TARS3: variants seen among roughly 807,000 people sequenced by gnomAD.
TARS3 encodes threonine--tRNA ligase 2, cytoplasmic.
Under a neutral mutation model 103.5 loss-of-function variants are expected in TARS3, and 94 were observed. The observed-to-expected ratio is 0.91, with a 90% CI of 0.77 to 1.08. The LOEUF is 1.08. Ranked by LOEUF, TARS3 falls within the 50% of genes least tolerant of loss-of-function variation. TARS3 has a pLI of 0.00. For missense variants in TARS3, 952 were observed against 995.2 expected (o/e 0.96, Z 0.58); for synonymous variants, 416 against 355.4 (o/e 1.17, Z -1.92).
Position 101,656,079 on chromosome 15 carries a change from C to T in TARS3, c.2260+843G>A, listed in dbSNP as rs182039925. The T allele has an allele frequency of 9.4e-6, 12 of 1,283,158 alleles. No individual in the cohort carries two copies. In the East Asian group the frequency reaches 6.7e-4, roughly 71 times the overall value. The allele number at this position is 1,283,158 out of a possible 1,614,324, so 79.5% of individuals were successfully genotyped here. ...AGAAGCATAAAGAACCAGAGCAAGA[C>T]AGGAACGAGAAATGGGGAGAAATAC... On this transcript the variant is annotated intron_variant, in intron 18 of 18. Transcript: ENST00000335968.
chr15:101,709,941 T>C (rs547884872), intron 5 of TARS3, among the ~76,000 whole-genome samples: 1 of 152,150 alleles, frequency 6.6e-6, no homozygotes. Flanking sequence ...GCTGATGAGA[T>C]GACTGGTGGC....
intron 18 of TARS3, chr15:101,656,113 A>AG: frequency 8.3e-7 from 1 of 1,202,660 alleles, no homozygotes; most frequent in Non-Finnish European, 1.1e-6. Context: ...ACTCCTGGTG[A>AG]GGGTTGAGCT....
intron 9 of TARS3, 47 bp from the exon 10 acceptor site, chr15:101,701,231 TAATA>T (rs1172161879): frequency 1.7e-6 from 2 of 1,143,292 alleles, no homozygotes; most frequent in Non-Finnish European, 2.6e-6. Context: ...TGCTATTGCT[TAATA>T]TTTACTGCAC....
Position 101,654,504 on chromosome 15 carries a change from A to C in TARS3, c.*78T>G. On this transcript the variant is annotated 3_prime_UTR_variant, in exon 19 of 19. Transcript: ENST00000335968. ...CCCATCAGTGGCTCCAAAGTCGTAGAAGTACTAACATGTTAAGAAAAATAC... is the reference window on the plus strand; with the variant it reads ...CCCATCAGTGGCTCCAAAGTCGTAGCAGTACTAACATGTTAAGAAAAATAC... The C allele has an allele frequency of 2.0e-6, 3 of 1,505,616 alleles. No individual in the cohort carries two copies. The highest frequency in any genetic ancestry group is 1.7e-4 in the Middle Eastern group (1 of 5,734). 93.3% of individuals were successfully genotyped at this position (1,505,616 alleles called of 1,614,324 possible). A position where few individuals can be genotyped will look rare whatever the true frequency, so the allele number is the denominator to read the frequency against.
rs897887218 is a variant in TARS3 at position 101,724,468 on chromosome 15, G to C, written c.-81C>G. On this transcript the variant is annotated 5_prime_UTR_variant, in exon 1 of 19. Transcript: ENST00000335968. ...CGACGCGGACACTCAGCGCACGGCA[G>C]AAGACAGGGCTCCCGGGAGGGGCGG... 1 of 1,332,144 alleles carries C rather than the reference G, an allele frequency of 7.5e-7. No homozygotes were observed. Among genetic ancestry groups the C allele is most frequent in the African/African-American group, 1.6e-5 (1 of 64,392 alleles). 82.5% of individuals were successfully genotyped at this position (1,332,144 alleles called of 1,614,324 possible).
chr15:101,664,945 A>C (rs139041774), intron 15 of TARS3, among the ~76,000 whole-genome samples: 42 of 152,364 alleles, frequency 2.8e-4, no homozygotes, highest in African/African-American at 9.1e-4. Flanking sequence ...GTAGAACTGA[A>C]AACTACAATC....
At chr15:101,722,675 C>G (rs926002332) in intron 2 of TARS3, among the ~76,000 whole-genome samples, 1 of 140,252 alleles carries the variant, frequency 7.1e-6, no homozygotes, top group Non-Finnish European at 1.5e-5. Context: ...AAAAATTAGC[C>G]GGGCTTGGTG....
intron 9 of TARS3, 97 bp downstream of exon 9, chr15:101,702,142 A>G: frequency 6.8e-7 from 1 of 1,465,060 alleles, no homozygotes; most frequent in Non-Finnish European, 9.4e-7. Flanking sequence ...GAGAAGAAGA[A>G]GAAATCTTAT....
chr15:101,712,438 TGAA>T (rs1899914987), intron 4 of TARS3, among the ~76,000 whole-genome samples: 1 of 152,212 alleles, frequency 6.6e-6, no homozygotes, highest in Non-Finnish European at 1.5e-5. Flanking sequence ...CACAGAGCAC[TGAA>T]GTGTTCCTGA....
At chr15:101,673,848 C>A (rs1270203662) in intron 13 of TARS3, among the ~76,000 whole-genome samples, 1 of 152,172 alleles carries the variant, frequency 6.6e-6, no homozygotes. Context: ...TCGGCTTCTG[C>A]ACCTATTAAT....
chr15:101,676,188 C>T (rs1180693536), intron 12 of TARS3, among the ~76,000 whole-genome samples: 1 of 152,162 alleles, frequency 6.6e-6, no homozygotes, highest in Non-Finnish European at 1.5e-5. Context: ...GGGCAGGGGC[C>T]AGAGAAAATT....
chr15:101,677,532 CTT>C (rs1898079325), intron 12 of TARS3, among the ~76,000 whole-genome samples: 2 of 147,344 alleles, frequency 1.4e-5, no homozygotes, highest in African/African-American at 5.0e-5. Context: ...GAGTTTTGCT[CTT>C]GTTGCCCAGG....
rs780051848 is a variant in TARS3, at chr15:101,721,327, A to G, written c.370-5T>C. ...GAAAATTGGTTGATGCTTCACCTGG[A>G]AATTATTAGAACATAATGAGATTAA... On this transcript the variant is annotated splice_polypyrimidine_tract_variant and splice_region_variant and intron_variant, in intron 2 of 18. Transcript: ENST00000335968. 3.1e-6 allele frequency: 5 copies of G among 1,604,402 alleles called. No individual in the cohort carries two copies. In the South Asian group the frequency reaches 5.5e-5, roughly 18 times the overall value.
rs1899328481 is a variant in TARS3 at position 101,702,390 on chromosome 15, A to G, written c.1075-5T>C. 1.2e-6 allele frequency: 2 copies of G among 1,612,216 alleles called. No individual in the cohort carries two copies. The highest frequency in any genetic ancestry group is 2.2e-5 in the East Asian group (1 of 44,884). ...CTCCCAATATGTTGAGGAATTCTAA[A>G]TATCAAAGAGGATTTTGGTAAATAT... On this transcript the variant is annotated splice_polypyrimidine_tract_variant and splice_region_variant and intron_variant, in intron 8 of 18. Coordinates refer to ENST00000335968, the MANE Select transcript of TARS3 (RefSeq NM_152334.3).
At chr15:101,714,715 C>A in intron 4 of TARS3, 125 bp downstream of exon 4, 1 of 698,162 alleles carries the variant, frequency 1.4e-6, no homozygotes, top group Non-Finnish European at 2.0e-6. Context: ...CATCAATAAT[C>A]AAATTTTAAA....
At chr15:101,720,251 A>G (rs147641153) in intron 3 of TARS3, among the ~76,000 whole-genome samples, 264 of 152,326 alleles carry the variant, frequency 1.7e-3, no homozygotes, top group African/African-American at 5.9e-3. Context: ...ATTTATTTAC[A>G]TGGCATTAAT....
intron 10 of TARS3, among the ~76,000 whole-genome samples, chr15:101,700,047 C>T (rs1433178130): frequency 6.6e-6 from 1 of 151,982 alleles, no homozygotes; most frequent in Non-Finnish European, 1.5e-5. Context: ...AAAAAAATTA[C>T]TGAGCAATTA....
In TARS3 at chr15:101,654,749, A is replaced by G. The variant is rs770316318; in HGVS notation, c.2261-19T>C. 9 of 1,609,724 alleles carry G rather than the reference A, an allele frequency of 5.6e-6. No individual in the cohort carries two copies. In the African/African-American group the frequency reaches 9.4e-5, roughly 17 times the overall value. On this transcript the variant is annotated intron_variant, in intron 18 of 18. Coordinates refer to ENST00000335968, the MANE Select transcript of TARS3 (RefSeq NM_152334.3). Reference sequence around the variant, plus strand: ...CCAACCACTGCAGAAAAGAAAGGTAAAGAAATGTATTTTAAATCAGCAATT... The same window carrying G: ...CCAACCACTGCAGAAAAGAAAGGTAGAGAAATGTATTTTAAATCAGCAATT...
At position 101,711,881 on chromosome 15, in the gene TARS3, T is replaced by C; in HGVS notation, c.811A>G (p.Arg271Gly). 2 of 1,613,758 alleles carry C rather than the reference T, an allele frequency of 1.2e-6. No homozygotes were observed. Among genetic ancestry groups the C allele is most frequent in the South Asian group, 2.2e-5 (2 of 91,034 alleles). Residue 271 changes from arginine to glycine, a missense_variant and splice_region_variant, in exon 5 of 19, where the codon AGA becomes GGA. Arg to Gly is a moderately radical substitution (Grantham distance 125). Coordinates refer to ENST00000335968, the MANE Select transcript of TARS3 (RefSeq NM_152334.3). Reference protein sequence around the residue: ...GFYYDMFIEDRAVSSTELSAL... With the variant: ...GFYYDMFIEDGAVSSTELSAL... ...ACAAGCCAGTATTCAGTGTGTTACC[T>C]GTCTTCAATGAACATGTCATAATAA...
Sources: allele counts gnomAD v4.1 joint callset (sites outside exome capture counted in the v4.1 genomes callset), GRCh38; gene constraint gnomAD v4.1.1; transcripts MANE v1.5; gene names NCBI Gene and HGNC (gene_info 2026-07-23, HGNC 2026-07-21).